SEC14L2: variants seen among roughly 807,000 people sequenced by gnomAD.
The protein encoded by SEC14L2 is SEC14-like protein 2.
In SEC14L2, 50 loss-of-function variants were observed where a neutral mutation model predicts 56.9. The observed-to-expected ratio is 0.88, with a 90% CI of 0.70 to 1.11. The LOEUF (loss-of-function observed/expected upper bound fraction) is 1.11. SEC14L2 is among the 50% of genes most tolerant of loss of function. The probability of loss-of-function intolerance (pLI) is 0.00; values close to 1 mark genes in which losing one functional copy is unlikely to be tolerated. For missense variants in SEC14L2, 414 were observed against 500.7 expected, an observed-to-expected ratio of 0.83 and a Z score of 1.65; for synonymous variants, 179 against 188.5, an observed-to-expected ratio of 0.95 and a Z score of 0.41.
At chr22:30,414,945 C>G (rs1262295228) in intron 8 of SEC14L2, among the ~76,000 whole-genome samples, 1 of 152,074 alleles carries the variant, frequency 6.6e-6, no homozygotes, top group African/African-American at 2.4e-5. Context: ...ACACATAGTT[C>G]TGCCCTCACA....
rs767512331 is a variant in SEC14L2, at chr22:30,423,918, G to C, written c.*1511G>C. 1.3e-5 allele frequency: 2 copies of C among 152,402 alleles called. No individual in the cohort carries two copies. Among genetic ancestry groups the C allele is most frequent in the East Asian group, 1.9e-4 (1 of 5,192 alleles). 9.4% of individuals were successfully genotyped at this position (152,402 alleles called of 1,614,324 possible). ...AGGCCCAAACTCAGACGGCGTCAGG[G>C]ACCCGGACCCAGCAGCCGTTTCACG... On this transcript the variant is annotated 3_prime_UTR_variant, in exon 12 of 12. Transcript: ENST00000615189.
chr22:30,407,193 C>T (rs1569207406), intron 4 of SEC14L2, 39 bp downstream of exon 4: 2 of 1,608,206 alleles, frequency 1.2e-6, no homozygotes, highest in Non-Finnish European at 1.7e-6. Context: ...TATGCTAGGC[C>T]TTTCAGACCC....
At chr22:30,422,113 G>A (rs907641604) in intron 11 of SEC14L2, among the ~76,000 whole-genome samples, 164 bp from the exon 12 acceptor site, 4 of 152,138 alleles carry the variant, frequency 2.6e-5, no homozygotes, top group Middle Eastern at 3.4e-3. Flanking sequence ...TGTCAACCCC[G>A]CTAGATTAAG....
In SEC14L2 at chr22:30,406,322, G is replaced by A; in HGVS notation, c.131-20G>A. 7 of 1,613,926 alleles carry A rather than the reference G, an allele frequency of 4.3e-6. No homozygotes were observed. In the South Asian group the frequency reaches 6.6e-5, roughly 15 times the overall value. On this transcript the variant is annotated intron_variant, in intron 2 of 11. Coordinates refer to ENST00000615189, the MANE Select transcript of SEC14L2 (RefSeq NM_012429.5). ...AGTCCTGCTAACCTAACCCTGACCA[G>A]AACTGTTTCCCTGTTACAGCCAGAA...
chr22:30,407,663 C>A, intron 5 of SEC14L2, 60 bp downstream of exon 5: 1 of 1,481,668 alleles, frequency 6.7e-7, no homozygotes, highest in Non-Finnish European at 9.3e-7. Context: ...CCAGCAGAAG[C>A]AGGGATGTCA....
chr22:30,420,199 C>T (rs766565914), intron 11 of SEC14L2, among the ~76,000 whole-genome samples: 4 of 152,068 alleles, frequency 2.6e-5, no homozygotes, highest in Admixed American at 2.0e-4. Flanking sequence ...GTGATCCACC[C>T]GCCTCAGCCT....
At chr22:30,399,140 G>A (rs1051575541) in intron 1 of SEC14L2, among the ~76,000 whole-genome samples, 2 of 152,072 alleles carry the variant, frequency 1.3e-5, no homozygotes, top group African/African-American at 4.8e-5. Context: ...TTCCTGCCCT[G>A]CAACCTGGCA....
intron 1 of SEC14L2, chr22:30,397,527 GT>G (rs1223296493): frequency 3.0e-6 from 1 of 332,266 alleles, no homozygotes; most frequent in African/African-American, 2.2e-5. Context: ...AGGGGCCCAA[GT>G]TTCCTCCCAT....
At chr22:30,405,190 T>C (rs11703351) in intron 2 of SEC14L2, among the ~76,000 whole-genome samples, 8,488 of 152,156 alleles carry the variant, frequency 0.056, 331 homozygotes, top group Middle Eastern at 0.099. Context: ...AGGGAAGTTA[T>C]TTGCATGGAC....
chr22:30,406,322 G>T lies in SEC14L2; in HGVS notation c.131-20G>T. On this transcript the variant is annotated intron_variant, in intron 2 of 11. Coordinates refer to ENST00000615189, the MANE Select transcript of SEC14L2 (RefSeq NM_012429.5). ...AGTCCTGCTAACCTAACCCTGACCAGAACTGTTTCCCTGTTACAGCCAGAA... is the reference window on the plus strand; with the variant it reads ...AGTCCTGCTAACCTAACCCTGACCATAACTGTTTCCCTGTTACAGCCAGAA... 1 of 1,613,926 alleles carries T rather than the reference G, an allele frequency of 6.2e-7. No individual in the cohort carries two copies. Among genetic ancestry groups the T allele is most frequent in the Non-Finnish European group, 8.5e-7 (1 of 1,179,906 alleles).
intron 11 of SEC14L2, 27 bp downstream of exon 11, chr22:30,416,430 T>G: frequency 6.2e-7 from 1 of 1,614,254 alleles, no homozygotes; most frequent in Non-Finnish European, 8.5e-7. Flanking sequence ...TGGCAATGCC[T>G]TGAAGCCCCA....
intron 11 of SEC14L2, chr22:30,416,758 G>C: frequency 3.9e-6 from 5 of 1,285,912 alleles, no homozygotes; most frequent in Non-Finnish European, 4.0e-6. Flanking sequence ...CACAGAGACA[G>C]AACTGGCTGG....
intron 2 of SEC14L2, among the ~76,000 whole-genome samples, chr22:30,404,992 C>T (rs2283871): frequency 6.6e-6 from 1 of 151,646 alleles, no homozygotes; most frequent in African/African-American, 2.4e-5. Context: ...ATTGCTTGAA[C>T]CCGGGAGGCA....
chr22:30,418,497 A>C (rs917656799), intron 11 of SEC14L2, among the ~76,000 whole-genome samples: 3 of 152,208 alleles, frequency 2.0e-5, no homozygotes, highest in Admixed American at 2.0e-4. Flanking sequence ...TCTGAAGGAC[A>C]TTGCCCAAGA....
chr22:30,410,313 A>G (rs1025487721), intron 7 of SEC14L2, among the ~76,000 whole-genome samples: 1 of 152,256 alleles, frequency 6.6e-6, no homozygotes, highest in African/African-American at 2.4e-5. Context: ...AGACTACTTT[A>G]CAACTCACAG....
chr22:30,415,607 C>G, intron 8 of SEC14L2, 152 bp from the exon 9 acceptor site: 1 of 667,810 alleles, frequency 1.5e-6, no homozygotes, highest in East Asian at 2.7e-5. Flanking sequence ...TATGCATGCA[C>G]TGTGTGCTCC....
Position 30,424,232 on chromosome 22 carries a change from G to A in SEC14L2, c.*1825G>A, listed in dbSNP as rs1458436295. 6.3e-6 allele frequency: 1 copy of A among 157,828 alleles called. No homozygotes were observed. The highest frequency in any genetic ancestry group is 6.1e-5 in the Admixed American group (1 of 16,422). 9.8% of individuals were successfully genotyped at this position (157,828 alleles called of 1,614,324 possible). A position where few individuals can be genotyped will look rare whatever the true frequency, so the allele number is the denominator to read the frequency against. On this transcript the variant is annotated 3_prime_UTR_variant, in exon 12 of 12. Coordinates refer to ENST00000615189, the MANE Select transcript of SEC14L2 (RefSeq NM_012429.5). ...AGAATGAGAGGGAGGCGGAGGAGCA[G>A]CGATCACGTGGTTTTAGGGACTGTC...
chr22:30,401,982 C>T (rs1933951151), intron 2 of SEC14L2, among the ~76,000 whole-genome samples: 1 of 152,070 alleles, frequency 6.6e-6, no homozygotes, highest in Non-Finnish European at 1.5e-5. Context: ...CTTTTCTTTC[C>T]AGAAATTTCA....
intron 8 of SEC14L2, among the ~76,000 whole-genome samples, chr22:30,413,190 G>C (rs1289757021): frequency 6.6e-6 from 1 of 152,186 alleles, no homozygotes; most frequent in African/African-American, 2.4e-5. Flanking sequence ...GAACATCCGA[G>C]CTCAAGAGCA....
Sources: gnomAD v4.1 joint callset for allele counts (sites outside exome capture counted in the v4.1 genomes callset) on GRCh38, gnomAD v4.1.1 for gene constraint, MANE v1.5 for transcripts, NCBI Gene and HGNC (gene_info 2026-07-23, HGNC 2026-07-21) for gene names.